The following BABAM2 variants were observed in gnomAD, a reference collection of about 807,000 sequenced individuals.
BABAM2 encodes BRISC and BRCA1 A complex member 2.
Under a neutral mutation model 54.7 loss-of-function variants are expected in BABAM2, and 31 were observed. The ratio of observed to expected loss-of-function variants is 0.57; its 90% confidence interval spans 0.43 to 0.77. The LOEUF (loss-of-function observed/expected upper bound fraction) is 0.77. Among genes scored for constraint, BABAM2 ranks in the 30% least tolerant of loss-of-function variants. The pLI is 0.00. For synonymous variants in BABAM2, 167 were observed against 162.9 expected (o/e 1.03, Z -0.19); for missense variants, 364 against 455.8 (o/e 0.80, Z 1.83).
intron 7 of BABAM2, among the ~76,000 whole-genome samples, chr2:28,179,670 A>G (rs1312955078): frequency 6.6e-6 from 1 of 152,180 alleles, no homozygotes; most frequent in African/African-American, 2.4e-5. Flanking sequence ...AACAATCAGA[A>G]AAGAGGAAGT....
intron 11 of BABAM2, among the ~76,000 whole-genome samples, chr2:28,317,845 C>T (rs754806070): frequency 2.8e-4 from 42 of 152,160 alleles, no homozygotes; most frequent in Non-Finnish European, 4.9e-4. Context: ...TCACCAGAGA[C>T]GTTTTAAGAT....
chr2:27,930,347 A>G (rs1208887637), intron 3 of BABAM2: 1 of 169,622 alleles, frequency 5.9e-6, no homozygotes, highest in Non-Finnish European at 1.3e-5. Context: ...CCGAAGTGTA[A>G]GAGTCCTACC....
chr2:28,204,988 AC>A (rs1043520927), intron 7 of BABAM2, among the ~76,000 whole-genome samples: 13 of 151,880 alleles, frequency 8.6e-5, no homozygotes, highest in African/African-American at 2.4e-4. Flanking sequence ...AAAAAAAAAA[AC>A]AACCTTCTTA....
At chr2:28,181,794 TA>T (rs1349037134) in intron 7 of BABAM2, among the ~76,000 whole-genome samples, 56 of 149,574 alleles carry the variant, frequency 3.7e-4, no homozygotes, top group African/African-American at 7.8e-4. Context: ...ATTTTTTTTT[TA>T]AAAAAAAAAG....
chr2:28,045,631 T>G, intron 5 of BABAM2, 94 bp from the exon 6 acceptor site: 3 of 1,065,824 alleles, frequency 2.8e-6, no homozygotes, highest in Non-Finnish European at 4.0e-6. Context: ...GATGCCTGCA[T>G]TTTGAACAGG....
chr2:28,128,873 G>C (rs945153805), intron 6 of BABAM2, among the ~76,000 whole-genome samples: 8 of 130,508 alleles, frequency 6.1e-5, no homozygotes, highest in Non-Finnish European at 1.4e-4. Context: ...ATACTGTCAA[G>C]GTAGGTGTAA....
chr2:27,907,011 T>C (rs1386334079), intron 2 of BABAM2, among the ~76,000 whole-genome samples: 1 of 152,176 alleles, frequency 6.6e-6, no homozygotes, highest in East Asian at 1.9e-4. Flanking sequence ...ATTATTCTTA[T>C]ACCATCACTC....
chr2:28,227,287 C>T (rs1328875922), intron 7 of BABAM2, among the ~76,000 whole-genome samples: 1 of 152,128 alleles, frequency 6.6e-6, no homozygotes, highest in Admixed American at 6.5e-5. Context: ...TAGGTAGATA[C>T]CCCTCACCAG....
intron 10 of BABAM2, among the ~76,000 whole-genome samples, chr2:28,276,758 A>G (rs1355401547): frequency 2.0e-5 from 3 of 152,330 alleles, no homozygotes; most frequent in East Asian, 1.9e-4. Context: ...TTAAAATTCT[A>G]GTTTTCATAA....
intron 3 of BABAM2, among the ~76,000 whole-genome samples, chr2:27,946,043 A>G (rs1669274087): frequency 6.6e-6 from 1 of 152,190 alleles, no homozygotes; most frequent in Admixed American, 6.5e-5. Context: ...TATCTAGTGC[A>G]GTAGACAATA....
At chr2:28,210,940 C>T (rs1679389514) in intron 7 of BABAM2, among the ~76,000 whole-genome samples, 1 of 152,096 alleles carries the variant, frequency 6.6e-6, no homozygotes, top group Admixed American at 6.6e-5. Context: ...TTATTTCATC[C>T]CAGTGTTAAC....
chr2:28,246,259 C>T (rs1210982832), intron 10 of BABAM2, among the ~76,000 whole-genome samples: 3 of 152,184 alleles, frequency 2.0e-5, no homozygotes, highest in Non-Finnish European at 1.5e-5. Context: ...GGTACTGCAG[C>T]CACCACTTTT....
At chr2:28,166,421 A>T (rs1420059606) in intron 7 of BABAM2, among the ~76,000 whole-genome samples, 1 of 152,154 alleles carries the variant, frequency 6.6e-6, no homozygotes, top group Non-Finnish European at 1.5e-5. Flanking sequence ...AGTGAATACC[A>T]CAGGAAGGAC....
intron 5 of BABAM2, among the ~76,000 whole-genome samples, chr2:28,043,570 A>G (rs1487358986): frequency 2.0e-5 from 3 of 152,066 alleles, no homozygotes; most frequent in East Asian, 3.9e-4. Flanking sequence ...ATTTAACTCT[A>G]TGCTGTTATT....
chr2:28,312,508 T>C (rs1689169250), intron 11 of BABAM2, among the ~76,000 whole-genome samples: 1 of 152,236 alleles, frequency 6.6e-6, no homozygotes, highest in Admixed American at 6.5e-5. Context: ...ACAATGAGGC[T>C]ATCTATGGCA....
At chr2:28,127,812 T>TC (rs1669690305) in intron 6 of BABAM2, among the ~76,000 whole-genome samples, 2 of 150,566 alleles carry the variant, frequency 1.3e-5, no homozygotes, top group South Asian at 4.2e-4. Flanking sequence ...GTGAGTCTTT[T>TC]TTTTTTTTTT....
At chr2:27,964,647 G>C (rs1231853023) in intron 3 of BABAM2, among the ~76,000 whole-genome samples, 1 of 152,132 alleles carries the variant, frequency 6.6e-6, no homozygotes, top group Non-Finnish European at 1.5e-5. Context: ...GGGTGTGTTC[G>C]ACAGAAATCA....
At chr2:28,176,763 A>G (rs138557003) in intron 7 of BABAM2, among the ~76,000 whole-genome samples, 84 of 150,258 alleles carry the variant, frequency 5.6e-4, no homozygotes, top group Non-Finnish European at 9.3e-4. Context: ...TTTATTCATG[A>G]GCTTCAACAG....
At chr2:28,131,671 T>G (rs1028158846) in intron 7 of BABAM2, among the ~76,000 whole-genome samples, 1 of 152,222 alleles carries the variant, frequency 6.6e-6, no homozygotes, top group African/African-American at 2.4e-5. Context: ...ACTCAGCAAG[T>G]AATAGCCATG....
Sources: gnomAD v4.1 joint callset for allele counts (sites outside exome capture counted in the v4.1 genomes callset) on GRCh38, gnomAD v4.1.1 for gene constraint, MANE v1.5 for transcripts, NCBI Gene and HGNC (gene_info 2026-07-23, HGNC 2026-07-21) for gene names.